Variants in SEC14L1 observed in about 807,000 individuals in gnomAD.
SEC14L1 encodes SEC14 like lipid binding 1.
SEC14L1 carries 48 observed loss-of-function variants against 85.3 expected under a neutral mutation model. The observed-to-expected ratio is 0.56, with a 90% confidence interval of 0.45 to 0.72. The LOEUF (loss-of-function observed/expected upper bound fraction) is 0.72. SEC14L1 is among the 30% of genes least tolerant of loss of function. The pLI is 0.00. For synonymous variants in SEC14L1, 391 were observed against 355.5 expected, an observed-to-expected ratio of 1.10 and a Z score of -1.12; for missense variants, 682 against 921.4, an observed-to-expected ratio of 0.74 and a Z score of 3.36.
chr17:77,181,907 C>T (rs1014942630), intron 3 of SEC14L1, among the ~76,000 whole-genome samples: 3 of 144,002 alleles, frequency 2.1e-5, no homozygotes, highest in Non-Finnish European at 3.1e-5. Context: ...CGTTTTCTTT[C>T]TTTTTTTTTT....
intron 3 of SEC14L1, among the ~76,000 whole-genome samples, chr17:77,112,201 A>G (rs1266443661): frequency 1.3e-5 from 2 of 151,978 alleles, no homozygotes; most frequent in Non-Finnish European, 2.9e-5. Context: ...TTCCACCATG[A>G]TTGTAAGTTT....
intron 8 of SEC14L1, 61 bp from the exon 9 acceptor site, chr17:77,200,423 C>A: frequency 2.2e-6 from 3 of 1,392,038 alleles, no homozygotes; most frequent in African/African-American, 1.4e-5. Flanking sequence ...TCCACCGCAG[C>A]CTCCCAAAGT....
intron 3 of SEC14L1, among the ~76,000 whole-genome samples, chr17:77,121,760 C>T (rs896322538): frequency 5.9e-5 from 9 of 152,252 alleles, no homozygotes; most frequent in African/African-American, 2.2e-4. Flanking sequence ...CAATGCCACA[C>T]AGCCTTTAAC....
intron 3 of SEC14L1, among the ~76,000 whole-genome samples, chr17:77,110,033 ACTTCAGGCCAACTG>A (rs1322782607): frequency 6.6e-6 from 1 of 152,200 alleles, no homozygotes. Context: ...GTTGGAACTG[ACTTCAGGCCAACTG>A]CTTCCTTTTA....
intron 2 of SEC14L1, among the ~76,000 whole-genome samples, chr17:77,092,101 A>G (rs1971532031): frequency 6.6e-6 from 1 of 151,918 alleles, no homozygotes; most frequent in Non-Finnish European, 1.5e-5. Flanking sequence ...GAGCCACTAC[A>G]CCTGGCCTGT....
rs1284331357 is a variant in SEC14L1, at chr17:77,142,690, A to C, written c.-91A>C. Reference sequence around the variant, plus strand: ...AGGATATTCAGTTTTGTATGTTTGAATATCCTCTCACCATGTTCAGCATAA... The same window carrying C: ...AGGATATTCAGTTTTGTATGTTTGACTATCCTCTCACCATGTTCAGCATAA... On this transcript the variant is annotated 5_prime_UTR_variant, in exon 2 of 17. Transcript: ENST00000436233. 1 of 151,984 alleles carries C rather than the reference A, an allele frequency of 6.6e-6. No homozygotes were observed. The highest frequency in any genetic ancestry group is 1.5e-5 in the Non-Finnish European group (1 of 68,020). 9.4% of individuals were successfully genotyped at this position (151,984 alleles called of 1,614,324 possible).
In SEC14L1 at chr17:77,191,320, A is replaced by G. The variant is rs746144718; in HGVS notation, c.345+8A>G. ...GAGCATTGCTGCTACACCGTGAGTA[A>G]TCTGTCACTCGGCGGAAGATGTTCT... On this transcript the variant is annotated splice_region_variant and intron_variant, in intron 5 of 16. Coordinates refer to ENST00000436233, the MANE Select transcript of SEC14L1 (RefSeq NM_001143998.2). The G allele has an allele frequency of 1.2e-6, 2 of 1,614,030 alleles. No homozygotes were observed. Among genetic ancestry groups the G allele is most frequent in the Admixed American group, 1.7e-5 (1 of 59,998 alleles).
intron 3 of SEC14L1, among the ~76,000 whole-genome samples, chr17:77,105,251 A>G (rs1251468879): frequency 2.0e-5 from 3 of 151,982 alleles, no homozygotes; most frequent in Non-Finnish European, 4.4e-5. Flanking sequence ...TCAACTGGAA[A>G]GTCCACTCCA....
At chr17:77,125,000 T>TTATTATTATATATTTTTTATTATTATTA (rs1567879092) in intron 3 of SEC14L1, among the ~76,000 whole-genome samples, 1 of 57,082 alleles carries the variant, frequency 1.8e-5, no homozygotes, top group East Asian at 5.7e-4. Context: ...TATTATTATT[T>TTATTATTATATATTTTTTATTATTATTA]TTATTATTAT....
intron 8 of SEC14L1, among the ~76,000 whole-genome samples, chr17:77,198,753 T>C (rs929654246): frequency 6.6e-6 from 1 of 151,936 alleles, no homozygotes; most frequent in East Asian, 1.9e-4. Context: ...TTTGTATTTT[T>C]AGTAGAGATG....
chr17:77,089,110 C>T (rs755899497), intron 1 of SEC14L1: 11 of 279,954 alleles, frequency 3.9e-5, no homozygotes, highest in Non-Finnish European at 7.7e-5. Context: ...CGTCGAATGA[C>T]TTTTGTCCTT....
intron 3 of SEC14L1, among the ~76,000 whole-genome samples, chr17:77,174,787 A>G (rs1367090905): frequency 1.3e-5 from 2 of 152,160 alleles, no homozygotes; most frequent in South Asian, 2.1e-4. Flanking sequence ...CACTGAGACA[A>G]AGGATTTCTC....
chr17:77,169,203 T>C (rs1223590420), intron 3 of SEC14L1, among the ~76,000 whole-genome samples: 1 of 152,052 alleles, frequency 6.6e-6, no homozygotes, highest in African/African-American at 2.4e-5. Context: ...TGGTAAGCTC[T>C]TGGGAAGGCT....
At chr17:77,132,910 T>A (rs1972657658) in intron 3 of SEC14L1, among the ~76,000 whole-genome samples, 1 of 151,788 alleles carries the variant, frequency 6.6e-6, no homozygotes. Flanking sequence ...TCGCCCAGGC[T>A]GGAGTGCAGT....
At chr17:77,130,529 G>A (rs1288231926) in intron 3 of SEC14L1, among the ~76,000 whole-genome samples, 1 of 151,964 alleles carries the variant, frequency 6.6e-6, no homozygotes, top group African/African-American at 2.4e-5. Flanking sequence ...CACCATGTTG[G>A]CCAAGCTGTT....
At chr17:77,098,306 C>T (rs1196702709) in intron 3 of SEC14L1, among the ~76,000 whole-genome samples, 2 of 152,072 alleles carry the variant, frequency 1.3e-5, no homozygotes, top group African/African-American at 2.4e-5. Context: ...CGAAACCAGC[C>T]TGGCCAACAT....
chr17:77,136,072 T>A (rs1291741501), upstream of SEC14L1, among the ~76,000 whole-genome samples: 1 of 151,946 alleles, frequency 6.6e-6, no homozygotes, highest in African/African-American at 2.4e-5. Context: ...AGAGACGGGT[T>A]TCATGTGTTA....
At chr17:77,097,527 G>A (rs1334816573) in intron 3 of SEC14L1, among the ~76,000 whole-genome samples, 9 of 150,816 alleles carry the variant, frequency 6.0e-5, no homozygotes, top group African/African-American at 2.2e-4. Flanking sequence ...TTGTGCCACT[G>A]CACTCCAGCC....
intron 3 of SEC14L1, chr17:77,093,786 G>T (rs1007458894): frequency 1.3e-5 from 2 of 152,146 alleles, no homozygotes; most frequent in East Asian, 3.9e-4. Context: ...TTTTAATAAG[G>T]GACAGAGTCT....
Sources: allele counts gnomAD v4.1 joint callset (sites outside exome capture counted in the v4.1 genomes callset), GRCh38; gene constraint gnomAD v4.1.1; transcripts MANE v1.5; gene names NCBI Gene and HGNC (gene_info 2026-07-23, HGNC 2026-07-21).